ZNF568: variants seen among roughly 807,000 people sequenced by gnomAD.
ZNF568 encodes the protein p53 inhibitor of SCO2 activation.
Under a neutral mutation model 18.1 loss-of-function variants are expected in ZNF568, and 11 were observed. That is an observed-to-expected ratio of 0.61 (90% CI 0.38 to 1.00). The LOEUF (loss-of-function observed/expected upper bound fraction) is 1.00, where lower values mean the gene tolerates loss of function less well. Among genes scored for constraint, ZNF568 ranks in the 50% least tolerant of loss-of-function variants. ZNF568 has a pLI of 0.01. For missense variants in ZNF568, 639 were observed against 768.2 expected (o/e 0.83, Z 1.99); for synonymous variants, 213 against 246.6 (o/e 0.86, Z 1.28).
chr19:36,927,031 C>A (rs187932752), intron 4 of ZNF568, among the ~76,000 whole-genome samples: 1 of 152,008 alleles, frequency 6.6e-6, no homozygotes, highest in South Asian at 2.1e-4. Context: ...TTTCTGTATT[C>A]GAAATTAGAA....
intron 6 of ZNF568, among the ~76,000 whole-genome samples, chr19:36,939,020 T>G (rs1259553503): frequency 1.3e-5 from 2 of 152,230 alleles, no homozygotes; most frequent in Non-Finnish European, 2.9e-5. Context: ...AAGGATAGTG[T>G]TGAAGACTGT....
At chr19:36,945,379 C>T (rs2073947901) in intron 6 of ZNF568, among the ~76,000 whole-genome samples, 1 of 152,030 alleles carries the variant, frequency 6.6e-6, no homozygotes, top group African/African-American at 2.4e-5. Flanking sequence ...TCCTCCTCAG[C>T]CTACTCAGTG....
chr19:36,950,429 G>A lies in ZNF568; in HGVS notation c.1276G>A (p.Ala426Thr). The A allele has an allele frequency of 6.2e-7, 1 of 1,613,296 alleles. No homozygotes were observed. The highest frequency in any genetic ancestry group is 1.3e-5 in the African/African-American group (1 of 74,998). The change falls in exon 7 of 7, where the codon GCC becomes ACC. Residue 426 changes from alanine (A) to threonine (T), a missense_variant. Ala to Thr is a moderately conservative substitution (Grantham distance 58). Transcript: ENST00000333987. ...KPYVCSECGKAFSQSSSLTVH... is the reference protein window; with the variant it reads ...KPYVCSECGKTFSQSSSLTVH... ...CTATGTATGTAGTGAATGTGGGAAAGCCTTCTCTCAGAGTTCATCCCTAAC... is the reference window on the plus strand; with the variant it reads ...CTATGTATGTAGTGAATGTGGGAAAACCTTCTCTCAGAGTTCATCCCTAAC...
intron 2 of ZNF568, among the ~76,000 whole-genome samples, chr19:36,918,022 C>A (rs190529299): frequency 1.3e-4 from 20 of 152,324 alleles, no homozygotes; most frequent in African/African-American, 3.4e-4. Context: ...GGTCTCGGCT[C>A]ACTGCAAACT....
chr19:36,930,335 G>C (rs758979249), intron 4 of ZNF568, among the ~76,000 whole-genome samples: 1 of 151,382 alleles, frequency 6.6e-6, no homozygotes, highest in African/African-American at 2.4e-5. Flanking sequence ...TCAGCCTCCC[G>C]AGTCGCTGGG....
Position 36,923,923 on chromosome 19 carries a change from T to G in ZNF568, c.76+1077T>G, listed in dbSNP as rs560072621. ...ACCACTCATTTGTCTGCTCTTTAGC[T>G]TCCCACATTTTGTTGACAGCTCTTA... On this transcript the variant is annotated intron_variant, in intron 3 of 6. Coordinates refer to ENST00000333987, the MANE Select transcript of ZNF568 (RefSeq NM_198539.4). 2.0e-4 allele frequency among the ~76,000 whole-genome samples: 30 copies of G among 152,196 alleles called. No individual in the cohort carries two copies. The South Asian group carries it at 5.8e-3, about 29-fold the overall frequency.
downstream of ZNF568, among the ~76,000 whole-genome samples, chr19:36,981,035 C>T (rs2074327038): frequency 6.6e-6 from 1 of 152,146 alleles, no homozygotes. Context: ...GGTTGCTTCC[C>T]AAGAGCTGGG....
At chr19:36,984,197 C>T (rs1220584354), downstream of ZNF568, among the ~76,000 whole-genome samples, 4 of 152,256 alleles carry the variant, frequency 2.6e-5, no homozygotes, top group East Asian at 1.9e-4. Context: ...CCGCACCTGG[C>T]GACCAGCTTT....
At position 36,950,696 on chromosome 19, in the gene ZNF568, T is replaced by A; in HGVS notation, c.1543T>A (p.Ser515Thr). ...ATGTGGAAAAGCCTTTAGTCAGAAA[T>A]CAAACCTCACTGAACATGAGAAAAT... Reference protein sequence around the residue: ...TVCGKAFSQKSNLTEHEKIHT... With the variant: ...TVCGKAFSQKTNLTEHEKIHT... The change falls in exon 7 of 7, where the codon TCA (serine) becomes ACA (threonine). Residue 515 changes from serine to threonine, a missense_variant. Transcript: ENST00000333987. The A allele has an allele frequency of 6.2e-7, 1 of 1,613,692 alleles. No homozygotes were observed. The highest frequency in any genetic ancestry group is 8.5e-7 in the Non-Finnish European group (1 of 1,179,928).
intron 6 of ZNF568, chr19:36,974,417 A>G (rs2146335066): frequency 1.3e-6 from 2 of 1,535,990 alleles, no homozygotes; most frequent in South Asian, 2.4e-5. Context: ...ATCTTTCTTT[A>G]AGAACCCAGA....
chr19:36,997,128 T>C, exon 5 of ZNF568: 2 of 1,572,272 alleles, frequency 1.3e-6, no homozygotes, highest in South Asian at 2.3e-5. Context: ...AAAGACGCTA[T>C]GAATGCAGGG....
chr19:36,934,811 A>T (rs1311466570), intron 4 of ZNF568, among the ~76,000 whole-genome samples: 3 of 152,032 alleles, frequency 2.0e-5, no homozygotes, highest in Admixed American at 1.3e-4. Flanking sequence ...TCCATTGGTT[A>T]TTTCAGAATA....
Position 36,917,562 on chromosome 19 carries a change from G to A in ZNF568, c.-255-17G>A, listed in dbSNP as rs1013543511. 1 of 152,076 alleles carries A rather than the reference G, an allele frequency of 6.6e-6. No homozygotes were observed. The highest frequency in any genetic ancestry group is 2.4e-5 in the African/African-American group (1 of 41,406). 9.4% of individuals were successfully genotyped at this position (152,076 alleles called of 1,614,324 possible). A position where few individuals can be genotyped will look rare whatever the true frequency, so the allele number is the denominator to read the frequency against. The stretch of plus-strand genomic sequence containing the variant: ...AAGAATTTCATTTTCTAACCCCCTT[G>A]TGTCTTTATGTTTCAGATCTGTGTC... On this transcript the variant is annotated splice_polypyrimidine_tract_variant and intron_variant, in intron 1 of 6. Coordinates refer to ENST00000333987, the MANE Select transcript of ZNF568 (RefSeq NM_198539.4).
intron 4 of ZNF568, 95 bp downstream of exon 4, chr19:36,925,353 G>T: frequency 8.7e-7 from 1 of 1,147,930 alleles, no homozygotes; most frequent in Non-Finnish European, 1.3e-6. Context: ...AAAATAAATT[G>T]ATGAAAATAA....
downstream of ZNF568, among the ~76,000 whole-genome samples, chr19:36,957,734 G>A (rs1001006195): frequency 6.6e-6 from 1 of 152,170 alleles, no homozygotes; most frequent in Non-Finnish European, 1.5e-5. Context: ...AATATTGGCA[G>A]GTGGAAAAGA....
chr19:36,991,400 T>C lies in ZNF568; in HGVS notation c.133+101T>C, dbSNP rs3816395. Reference sequence around the variant, plus strand: ...TTTTTCTGAGTTTGTCCCAAGTGCTTTTCAAGTACCTGGATGAGTTAATGT... The same window carrying C: ...TTTTTCTGAGTTTGTCCCAAGTGCTCTTCAAGTACCTGGATGAGTTAATGT... On this transcript the variant is annotated intron_variant, in intron 3 of 4. Transcript: ENST00000433993. 3.5e-3 allele frequency: 4,832 copies of C among 1,368,736 alleles called. 72 individuals are homozygous for C. The East Asian group carries it at 0.055, about 16-fold the overall frequency. The allele number at this position is 1,368,736 out of a possible 1,614,324, so 84.8% of individuals were successfully genotyped here. A position where few individuals can be genotyped will look rare whatever the true frequency, so the allele number is the denominator to read the frequency against.
intron 6 of ZNF568, among the ~76,000 whole-genome samples, chr19:36,966,321 G>T (rs1236731487): frequency 1.3e-5 from 2 of 152,018 alleles, no homozygotes; most frequent in African/African-American, 4.8e-5. Context: ...TTGTTTCCCA[G>T]GCTGGTCTCC....
intron 6 of ZNF568, among the ~76,000 whole-genome samples, chr19:36,958,563 G>A (rs936901248): frequency 2.0e-5 from 3 of 146,390 alleles, no homozygotes; most frequent in African/African-American, 5.1e-5. Context: ...TGCTTTATAC[G>A]CTTTTATTCT....
chr19:36,931,610 C>A (rs1217139758), intron 4 of ZNF568: 1 of 152,164 alleles, frequency 6.6e-6, no homozygotes, highest in Non-Finnish European at 1.5e-5. Context: ...TCAAGCAGTC[C>A]TCCTGCCTCA....
Sources: gnomAD v4.1 joint callset for allele counts (sites outside exome capture counted in the v4.1 genomes callset) on GRCh38, gnomAD v4.1.1 for gene constraint, MANE v1.5 for transcripts, NCBI Gene and HGNC (gene_info 2026-07-23, HGNC 2026-07-21) for gene names.